EGFLAM: variants seen among roughly 807,000 people sequenced by gnomAD.
EGFLAM encodes EGF like, fibronectin type III and laminin G domains, also known as pikachurin.
A neutral mutation model predicts 113.1 loss-of-function variants in EGFLAM; 79 were observed. The ratio of observed to expected loss-of-function variants is 0.70; its 90% CI spans 0.58 to 0.84. The LOEUF is 0.84. Ranked by LOEUF, EGFLAM falls within the 40% of genes least tolerant of loss-of-function variation. The pLI is 0.00. For missense variants in EGFLAM, 1,265 were observed against 1,291.6 expected (o/e 0.98, Z 0.32); for synonymous variants, 504 against 487.6 (o/e 1.03, Z -0.44).
At position 38,407,186 on chromosome 5, in the gene EGFLAM, G is replaced by A. The variant is rs372045116; in HGVS notation, c.1147+40G>A. 11 of 1,595,470 alleles carry A rather than the reference G, an allele frequency of 6.9e-6. No individual in the cohort carries two copies. In the African/African-American group the frequency reaches 1.3e-4, roughly 19 times the overall value. ...GAGAGGAAGAAGTGGTGATGAATTGGCACCATTGACAGCCAGAGGGCAGTT... is the reference window on the plus strand; with the variant it reads ...GAGAGGAAGAAGTGGTGATGAATTGACACCATTGACAGCCAGAGGGCAGTT... On this transcript the variant is annotated intron_variant, in intron 8 of 21. Coordinates refer to ENST00000322350, the MANE Select transcript of EGFLAM (RefSeq NM_152403.4).
In EGFLAM at chr5:38,337,536, T is replaced by C. The variant is rs779326065; in HGVS notation, c.114T>C (p.Pro38=). The change falls in exon 2 of 22, where the codon CCT becomes CCC. Residue 38 remains proline, a synonymous_variant. Transcript: ENST00000322350. ...AIRKPGKVGP[P]LDIKLGALNC... ...TGGGGGCAGGCAAGGTAGGGCCTCCTCTTGACATCAAGCTGGGCGCATTGA... is the reference window on the plus strand; with the variant it reads ...TGGGGGCAGGCAAGGTAGGGCCTCCCCTTGACATCAAGCTGGGCGCATTGA... The C allele has an allele frequency of 1.9e-5, 30 of 1,601,946 alleles. No individual in the cohort carries two copies. Among genetic ancestry groups the C allele is most frequent in the Non-Finnish European group, 2.5e-5 (29 of 1,172,918 alleles).
intron 19 of EGFLAM, among the ~76,000 whole-genome samples, chr5:38,453,812 C>T (rs1160667525): frequency 6.6e-6 from 1 of 152,154 alleles, no homozygotes; most frequent in African/African-American, 2.4e-5. Context: ...TCCCCCTAAA[C>T]TGCCAGCTGA....
At chr5:38,319,441 A>C (rs1160155065) in intron 1 of EGFLAM, among the ~76,000 whole-genome samples, 1 of 152,248 alleles carries the variant, frequency 6.6e-6, no homozygotes, top group African/African-American at 2.4e-5. Context: ...TCAATCAGGC[A>C]GCAAATACTT....
intron 5 of EGFLAM, among the ~76,000 whole-genome samples, chr5:38,355,823 T>C (rs7724757): frequency 0.12 from 18,284 of 152,198 alleles, 1,614 homozygotes; most frequent in African/African-American, 0.25. Flanking sequence ...TGCAACAGCA[T>C]GATCTCAGCT....
chr5:38,433,279 A>G lies in EGFLAM; in HGVS notation c.2167-1858A>G, dbSNP rs577846730. Among the ~76,000 whole-genome samples the G allele has an allele frequency of 2.1e-4, 32 of 152,336 alleles. 1 individual carries two copies. The South Asian group carries it at 6.2e-3, about 30-fold the overall frequency. On this transcript the variant is annotated intron_variant, in intron 15 of 21. Coordinates refer to ENST00000322350, the MANE Select transcript of EGFLAM (RefSeq NM_152403.4). Reference sequence around the variant, plus strand: ...ACTAAACCTGACCACCAGGCTGCTCAGCTGGCAGCTCTGAGAAACAGCAGA... The same window carrying G: ...ACTAAACCTGACCACCAGGCTGCTCGGCTGGCAGCTCTGAGAAACAGCAGA...
Position 38,463,661 on chromosome 5 carries a change from TGA to T in EGFLAM, c.2876-165_2876-164del, listed in dbSNP as rs57308282. Among the ~76,000 whole-genome samples the T allele has an allele frequency of 4.6e-3, 696 of 152,318 alleles. 6 individuals are homozygous for T. The highest frequency in any genetic ancestry group is 0.015 in the African/African-American group (641 of 41,566). On this transcript the variant is annotated intron_variant, in intron 21 of 21. Transcript: ENST00000322350. ...GTTCCTTCAAGGATAATTATAAAATTGAGAGAGGTGAGGTACTGAGCAGCTCA... is the reference window on the plus strand; with the variant it reads ...GTTCCTTCAAGGATAATTATAAAATTGAGAGGTGAGGTACTGAGCAGCTCA...
intron 1 of EGFLAM, chr5:38,305,545 T>G (rs1189307255): frequency 4.7e-6 from 2 of 428,420 alleles, no homozygotes; most frequent in East Asian, 1.5e-4. Context: ...GTCCCCAGAA[T>G]AATAGTGGGA....
Position 38,370,418 on chromosome 5 carries a change from G to A in EGFLAM, c.668G>A (p.Gly223Asp). ...QFAVRAMNSH[G>D]PSPRSWPSDI... is the part of the protein sequence containing the mutation. ...GCCGTGAGGGCAATGAATTCCCATG[G>A]CCCCAGCCCCCGCAGCTGGCCCAGT... The change falls in exon 6 of 22, where the codon GGC becomes GAC. Residue 223 changes from glycine (G) to aspartate (D), a missense_variant. Physicochemically the swap from Gly to Asp is moderately conservative, Grantham distance 94. Transcript: ENST00000322350. 6.2e-7 allele frequency: 1 copy of A among 1,614,140 alleles called. No homozygotes were observed. The highest frequency in any genetic ancestry group is 8.5e-7 in the Non-Finnish European group (1 of 1,180,016).
At chr5:38,431,122 T>G in intron 14 of EGFLAM, 55 bp from the exon 15 acceptor site, 1 of 1,510,170 alleles carries the variant, frequency 6.6e-7, no homozygotes, top group Non-Finnish European at 9.2e-7. Flanking sequence ...ATCTGGGCAT[T>G]CCTTATCCTA....
At chr5:38,384,417 C>T (rs1392293522) in intron 6 of EGFLAM, among the ~76,000 whole-genome samples, 1 of 152,184 alleles carries the variant, frequency 6.6e-6, no homozygotes, top group Non-Finnish European at 1.5e-5. Context: ...TCCATTCTCA[C>T]CCATATTCTG....
At chr5:38,332,854 C>A (rs1339643815) in intron 1 of EGFLAM, among the ~76,000 whole-genome samples, 2 of 152,134 alleles carry the variant, frequency 1.3e-5, no homozygotes, top group Non-Finnish European at 2.9e-5. Context: ...TCCGGTAAAC[C>A]CACAACCTTC....
chr5:38,335,242 C>T (rs1040314763), intron 1 of EGFLAM, among the ~76,000 whole-genome samples: 8 of 152,138 alleles, frequency 5.3e-5, no homozygotes, highest in Non-Finnish European at 1.0e-4. Flanking sequence ...GGTATCCATC[C>T]TAGAAACACT....
intron 10 of EGFLAM, among the ~76,000 whole-genome samples, chr5:38,410,640 A>G (rs967783566): frequency 1.3e-5 from 2 of 152,186 alleles, no homozygotes; most frequent in Non-Finnish European, 1.5e-5. Context: ...AAGGTCCAAG[A>G]TTCCACCTGT....
intron 12 of EGFLAM, among the ~76,000 whole-genome samples, chr5:38,419,852 ACT>A (rs1313160192): frequency 2.6e-5 from 4 of 151,986 alleles, no homozygotes; most frequent in African/African-American, 9.7e-5. Context: ...ACATGGTGAA[ACT>A]CTGTCTCTAC....
intron 1 of EGFLAM, among the ~76,000 whole-genome samples, chr5:38,330,605 G>A (rs1354416337): frequency 6.6e-6 from 1 of 152,074 alleles, no homozygotes; most frequent in Non-Finnish European, 1.5e-5. Context: ...TCTATTTTCT[G>A]TACTGAACCA....
In EGFLAM at chr5:38,435,141, G is replaced by C. The variant is rs768533327; in HGVS notation, c.2171G>C (p.Gly724Ala). The change falls in exon 16 of 22, where the codon GGC (glycine) becomes GCC (alanine). Residue 724 changes from glycine (G) to alanine (A), a missense_variant. Gly to Ala is a moderately conservative substitution (Grantham distance 60). Transcript: ENST00000322350. ...QKIVEGMAEG[G>A]FTQIKCNTDI... ...TTGTTTTTAATCTTTTGGCAGGGAGGCTTCACACAGATTAAGTGCAACACA... is the reference window on the plus strand; with the variant it reads ...TTGTTTTTAATCTTTTGGCAGGGAGCCTTCACACAGATTAAGTGCAACACA... The C allele has an allele frequency of 3.1e-6, 5 of 1,613,576 alleles. No individual in the cohort carries two copies. Among genetic ancestry groups the C allele is most frequent in the East Asian group, 2.2e-5 (1 of 44,878 alleles).
chr5:38,336,815 AACACACACACGTAC>A lies in EGFLAM; in HGVS notation c.98-694_98-681del, dbSNP rs546095785. 2.7e-3 allele frequency among the ~76,000 whole-genome samples: 408 copies of A among 151,280 alleles called. 3 individuals are homozygous for A. Among genetic ancestry groups the A allele is most frequent in the Non-Finnish European group, 3.3e-3 (223 of 67,792 alleles). On this transcript the variant is annotated intron_variant, in intron 1 of 21. Transcript: ENST00000322350. The stretch of plus-strand genomic sequence containing the variant: ...AGATAAGGGATGTCAACTGTATAGA[AACACACACACGTAC>A]ACACACACACAAACACTTTTTTTTA...
chr5:38,282,585 GT>G (rs1758046320), intron 1 of EGFLAM: 1 of 152,188 alleles, frequency 6.6e-6, no homozygotes, highest in African/African-American at 2.4e-5. Context: ...CAGGCAAAAA[GT>G]TGCAGATCCT....
At chr5:38,315,010 C>T (rs1247383621) in intron 1 of EGFLAM, among the ~76,000 whole-genome samples, 1 of 152,162 alleles carries the variant, frequency 6.6e-6, no homozygotes, top group African/African-American at 2.4e-5. Context: ...CTATAATAGC[C>T]AACCTAGGCT....
Sources: allele counts gnomAD v4.1 joint callset (sites outside exome capture counted in the v4.1 genomes callset), GRCh38; gene constraint gnomAD v4.1.1; transcripts MANE v1.5; gene names NCBI Gene and HGNC (gene_info 2026-07-23, HGNC 2026-07-21).